PVALB: variants seen among roughly 807,000 people sequenced by gnomAD.
The protein encoded by PVALB is parvalbumin.
Under a neutral mutation model 10.9 loss-of-function variants are expected in PVALB, and 11 were observed. The ratio of observed to expected loss-of-function variants is 1.01; its 90% CI spans 0.63 to 1.67. PVALB has a LOEUF of 1.67. Among genes scored for constraint, PVALB ranks in the 40% most tolerant of loss-of-function variants. PVALB has a pLI of 0.00. For synonymous variants in PVALB, 57 were observed against 50.7 expected (o/e 1.12, Z -0.53); for missense variants, 131 against 136.2 (o/e 0.96, Z 0.19).
intron 3 of PVALB, chr22:36,811,368 T>G (rs1447855654): frequency 9.9e-6 from 4 of 402,832 alleles, no homozygotes; most frequent in Non-Finnish European, 2.0e-5. Flanking sequence ...ACAGGCCACA[T>G]TTCCATGTTA....
chr22:36,809,661 C>T (rs571064428), intron 3 of PVALB, among the ~76,000 whole-genome samples: 7 of 152,240 alleles, frequency 4.6e-5, no homozygotes, highest in South Asian at 4.2e-4. Context: ...GAGTGAAATG[C>T]TAAGCACGGT....
At chr22:36,819,253 G>T (rs1049131823), upstream of PVALB, among the ~76,000 whole-genome samples, 1 of 152,188 alleles carries the variant, frequency 6.6e-6, no homozygotes, top group African/African-American at 2.4e-5. Flanking sequence ...CCAGGAGTCT[G>T]GGTGGAGAAG....
chr22:36,809,856 T>G (rs1202421718), intron 3 of PVALB, among the ~76,000 whole-genome samples: 2 of 23,882 alleles, frequency 8.4e-5, no homozygotes, highest in Non-Finnish European at 4.0e-4. Context: ...ATGTCCCATG[T>G]TTTTTTTTTT....
chr22:36,804,486 C>T (rs145406412), intron 3 of PVALB, among the ~76,000 whole-genome samples: 1 of 152,320 alleles, frequency 6.6e-6, no homozygotes, highest in East Asian at 1.9e-4. Flanking sequence ...TCAGAACCTT[C>T]AATAGGGGAC....
intron 3 of PVALB, chr22:36,811,397 T>C (rs552508656): frequency 2.2e-5 from 10 of 447,830 alleles, no homozygotes; most frequent in South Asian, 1.7e-4. Context: ...AGTTTACAGA[T>C]GAGGAAGCTG....
At chr22:36,818,174 C>A (rs1272044819), upstream of PVALB, among the ~76,000 whole-genome samples, 3 of 152,088 alleles carry the variant, frequency 2.0e-5, no homozygotes, top group Admixed American at 6.5e-5. Flanking sequence ...TGGGTTGTGA[C>A]CTTCTCTGGG....
chr22:36,805,383 GT>G (rs1289173583), intron 3 of PVALB, among the ~76,000 whole-genome samples: 2 of 152,208 alleles, frequency 1.3e-5, no homozygotes, highest in Non-Finnish European at 2.9e-5. Context: ...CAACCAAGGT[GT>G]TTCTGTACTT....
chr22:36,809,925 T>C (rs146640852), intron 3 of PVALB, among the ~76,000 whole-genome samples: 3,104 of 150,600 alleles, frequency 0.021, 110 homozygotes, highest in African/African-American at 0.071. Context: ...AGCTCTGCTG[T>C]CCAGGCTGGA....
chr22:36,813,159 G>C (rs1470262642), intron 3 of PVALB, among the ~76,000 whole-genome samples: 1 of 152,200 alleles, frequency 6.6e-6, no homozygotes, highest in African/African-American at 2.4e-5. Context: ...ACCAGGACAA[G>C]ATGCTGAGGA....
At chr22:36,816,118 G>A (rs1939135116) in intron 1 of PVALB, among the ~76,000 whole-genome samples, 1 of 151,560 alleles carries the variant, frequency 6.6e-6, no homozygotes, top group South Asian at 2.1e-4. Flanking sequence ...CTCAGCACAG[G>A]GCTAGAGACA....
chr22:36,815,187 T>C lies in PVALB; in HGVS notation c.110A>G (p.Lys37Arg), dbSNP rs1438753170. The change falls in exon 2 of 4, where the codon AAG (lysine) becomes AGG (arginine). Residue 37 changes from lysine (K) to arginine (R), a missense_variant. By Grantham distance (26) the Lys-to-Arg change is conservative (BLOSUM62 2). Transcript: ENST00000417718. ...HKKFFQMVGL[K>R]KKSADDVKKV... is the part of the protein sequence containing the mutation. Reference sequence around the variant, plus strand: ...CTTCACATCATCCGCACTCTTTTTCTTCAGGCCGACCATTTGGAAGAACTT... The same window carrying C: ...CTTCACATCATCCGCACTCTTTTTCCTCAGGCCGACCATTTGGAAGAACTT... 4 of 1,614,204 alleles carry C rather than the reference T, an allele frequency of 2.5e-6. No individual in the cohort carries two copies. The South Asian group carries it at 4.4e-5, about 18-fold the overall frequency.
intron 1 of PVALB, chr22:36,816,557 G>A: frequency 4.5e-6 from 1 of 223,252 alleles, no homozygotes. Context: ...CTCTTGGAGA[G>A]GAGGATGCCC....
At chr22:36,807,523 T>A (rs1938971221) in intron 3 of PVALB, among the ~76,000 whole-genome samples, 1 of 152,206 alleles carries the variant, frequency 6.6e-6, no homozygotes, top group African/African-American at 2.4e-5. Flanking sequence ...TCCTTTCTGT[T>A]GAGGATTGAG....
intron 3 of PVALB, among the ~76,000 whole-genome samples, chr22:36,806,724 A>G (rs1230971473): frequency 1.3e-5 from 2 of 152,182 alleles, no homozygotes; most frequent in Non-Finnish European, 2.9e-5. Context: ...GGCCGCGTCA[A>G]CAGTTCTGGG....
At chr22:36,810,458 C>T (rs988038194) in intron 3 of PVALB, among the ~76,000 whole-genome samples, 1 of 152,186 alleles carries the variant, frequency 6.6e-6, no homozygotes, top group Non-Finnish European at 1.5e-5. Context: ...TGCATCTTCC[C>T]ACCTCAAAAG....
intron 3 of PVALB, among the ~76,000 whole-genome samples, chr22:36,802,215 T>G (rs13057042): frequency 0.21 from 31,461 of 151,978 alleles, 3,859 homozygotes; most frequent in African/African-American, 0.34. Flanking sequence ...TACTATCATT[T>G]CAATTCTTCT....
At chr22:36,817,534 A>T (rs958317481), upstream of PVALB, 1 of 152,520 alleles carries the variant, frequency 6.6e-6, no homozygotes, top group African/African-American at 2.4e-5. Context: ...TCTGTCCTGG[A>T]TGCAAATTTA....
At chr22:36,818,989 C>T (rs1311695860), upstream of PVALB, among the ~76,000 whole-genome samples, 1 of 152,186 alleles carries the variant, frequency 6.6e-6, no homozygotes, top group Non-Finnish European at 1.5e-5. Flanking sequence ...CATCTCCTTC[C>T]TCCATCTCTC....
upstream of PVALB, chr22:36,817,072 G>A (rs1386719631): frequency 1.4e-6 from 2 of 1,468,212 alleles, no homozygotes; most frequent in Non-Finnish European, 1.9e-6. Flanking sequence ...CATCATTTCT[G>A]CTCATATGAC....
Sources: gnomAD v4.1 joint callset for allele counts (sites outside exome capture counted in the v4.1 genomes callset) on GRCh38, gnomAD v4.1.1 for gene constraint, MANE v1.5 for transcripts, NCBI Gene and HGNC (gene_info 2026-07-23, HGNC 2026-07-21) for gene names.